The following PDZD2 variants were observed in gnomAD, a reference collection of about 807,000 sequenced individuals.
The protein encoded by PDZD2 is PDZ domain-containing protein 2.
In PDZD2, 90 loss-of-function variants were observed where a neutral mutation model predicts 220.7. The ratio of observed to expected loss-of-function variants is 0.41; its 90% CI spans 0.34 to 0.49. The LOEUF is 0.49. PDZD2 is among the 20% of genes least tolerant of loss of function. PDZD2 has a pLI of 0.28. For synonymous variants in PDZD2, 1,375 were observed against 1,450.5 expected, an observed-to-expected ratio of 0.95 and a Z score of 1.18; for missense variants, 3,174 against 3,608.5, an observed-to-expected ratio of 0.88 and a Z score of 3.08.
intron 1 of PDZD2, among the ~76,000 whole-genome samples, chr5:31,680,760 C>T (rs904799280): frequency 1.2e-4 from 18 of 152,122 alleles, no homozygotes; most frequent in African/African-American, 4.1e-4. Flanking sequence ...CCGGCTTGTC[C>T]TTGAAATCCC....
Position 32,092,997 on chromosome 5 carries a change from C to T in PDZD2, c.7818C>T (p.Leu2606=). The change falls in exon 21 of 25, where the codon CTC becomes CTT. Residue 2606 remains leucine (L), a synonymous_variant. Coordinates refer to ENST00000438447, the MANE Select transcript of PDZD2 (RefSeq NM_178140.4). ...GATCGAAATCTACCATCCTAACTCTCATTCAGGAAGCGAAAGCACAATCAG... is the reference window on the plus strand; with the variant it reads ...GATCGAAATCTACCATCCTAACTCTTATTCAGGAAGCGAAAGCACAATCAG... The part of the protein sequence containing the change: ...SVGSKSTILT[L]IQEAKAQSEN... 6.3e-7 allele frequency: 1 copy of T among 1,589,788 alleles called. No individual in the cohort carries two copies. Among genetic ancestry groups the T allele is most frequent in the Non-Finnish European group, 8.6e-7 (1 of 1,158,556 alleles).
intron 3 of PDZD2, among the ~76,000 whole-genome samples, chr5:31,991,367 ATC>A (rs1751195727): frequency 6.6e-6 from 1 of 152,192 alleles, no homozygotes; most frequent in African/African-American, 2.4e-5. Context: ...TGGATCTGGC[ATC>A]TATTTCGGAA....
At chr5:32,097,134 A>G (rs1040275991) in intron 21 of PDZD2, 145 bp from the exon 22 acceptor site, 2 of 625,812 alleles carry the variant, frequency 3.2e-6, no homozygotes, top group Non-Finnish European at 2.8e-6. Context: ...CTGAGAGCCA[A>G]AGAACCTTTA....
At position 31,950,961 on chromosome 5, in the gene PDZD2, C is replaced by T. The variant is rs564150041; in HGVS notation, c.477-32194C>T. Among the ~76,000 whole-genome samples, 60 of 152,294 alleles carry T rather than the reference C, an allele frequency of 3.9e-4. 1 individual carries two copies. The highest frequency in any genetic ancestry group is 6.2e-4 in the South Asian group (3 of 4,832). ...GCTGCAAAGTCCAAGATCAAGGCAC[C>T]GGCAGATTCAGTGTCTGGTGTGGGT... On this transcript the variant is annotated intron_variant, in intron 2 of 24. Coordinates refer to ENST00000438447, the MANE Select transcript of PDZD2 (RefSeq NM_178140.4).
At chr5:31,921,561 G>A (rs1744257870) in intron 2 of PDZD2, among the ~76,000 whole-genome samples, 1 of 152,072 alleles carries the variant, frequency 6.6e-6, no homozygotes, top group African/African-American at 2.4e-5. Context: ...GTGCTGGTCT[G>A]CCCCTGCGGT....
chr5:31,777,272 G>C (rs978225433), intron 1 of PDZD2, among the ~76,000 whole-genome samples: 1 of 152,192 alleles, frequency 6.6e-6, no homozygotes, highest in African/African-American at 2.4e-5. Flanking sequence ...GGGGGCGCCA[G>C]GTCCCCCAGC....
At chr5:31,847,861 C>A in intron 2 of PDZD2, 1 of 519,894 alleles carries the variant, frequency 1.9e-6, no homozygotes. Context: ...ATTGGAAGCA[C>A]ATCACGTGTC....
At chr5:31,787,250 C>T (rs1212055043) in intron 1 of PDZD2, among the ~76,000 whole-genome samples, 1 of 152,228 alleles carries the variant, frequency 6.6e-6, no homozygotes, top group Non-Finnish European at 1.5e-5. Flanking sequence ...TACAAATATG[C>T]ACATTGCCTC....
intron 9 of PDZD2, 54 bp from the exon 10 acceptor site, chr5:32,053,715 C>A: frequency 1.1e-6 from 1 of 949,776 alleles, no homozygotes; most frequent in Non-Finnish European, 1.7e-6. Flanking sequence ...GGGAAAGATG[C>A]CCTCAGTTAA....
intron 2 of PDZD2, among the ~76,000 whole-genome samples, chr5:31,802,266 G>T (rs1332474842): frequency 6.6e-6 from 1 of 152,124 alleles, no homozygotes; most frequent in Admixed American, 6.6e-5. Context: ...AATACTAGGG[G>T]TGAATCTGTG....
chr5:32,057,243 A>C (rs1160154703), intron 10 of PDZD2, among the ~76,000 whole-genome samples: 3 of 152,166 alleles, frequency 2.0e-5, no homozygotes, highest in Non-Finnish European at 4.4e-5. Flanking sequence ...GTCTTTCTAC[A>C]AATATAGGAG....
chr5:31,766,141 T>C (rs951339789), intron 1 of PDZD2, among the ~76,000 whole-genome samples: 6 of 152,250 alleles, frequency 3.9e-5, no homozygotes, highest in South Asian at 2.1e-4. Context: ...GATCAGGGTA[T>C]TGCACTCCAG....
At chr5:31,896,633 C>A (rs575999098) in intron 2 of PDZD2, among the ~76,000 whole-genome samples, 1 of 152,074 alleles carries the variant, frequency 6.6e-6, no homozygotes, top group Non-Finnish European at 1.5e-5. Flanking sequence ...GAGATACATA[C>A]GAATTTTTAA....
intron 2 of PDZD2, among the ~76,000 whole-genome samples, chr5:31,849,257 A>G (rs1335373603): frequency 6.6e-6 from 1 of 152,134 alleles, no homozygotes; most frequent in African/African-American, 2.4e-5. Flanking sequence ...CACCCTTTTG[A>G]GTCAGACCAA....
chr5:31,661,114 A>T (rs1285741802), intron 1 of PDZD2, among the ~76,000 whole-genome samples: 1 of 152,200 alleles, frequency 6.6e-6, no homozygotes, highest in Non-Finnish European at 1.5e-5. Flanking sequence ...GGAAAGAAAC[A>T]AATGAGAAAG....
intron 1 of PDZD2, among the ~76,000 whole-genome samples, chr5:31,730,253 A>C (rs1749445978): frequency 6.6e-6 from 1 of 152,170 alleles, no homozygotes; most frequent in East Asian, 1.9e-4. Context: ...TCTGTCTTGT[A>C]GGTAGGTTAG....
At position 31,735,969 on chromosome 5, in the gene PDZD2, A is replaced by C. The variant is rs139825091; in HGVS notation, c.-360-62920A>C. Among the ~76,000 whole-genome samples the C allele has an allele frequency of 8.5e-3, 1,297 of 152,038 alleles. 20 individuals are homozygous for C. The highest frequency in any genetic ancestry group is 0.029 in the African/African-American group (1,221 of 41,468). On this transcript the variant is annotated intron_variant, in intron 1 of 24. Transcript: ENST00000438447. ...TAAAAAACAAAACAAAACAAAAAAAACTCCAAATTATATAGAGCACAAAGG... is the reference window on the plus strand; with the variant it reads ...TAAAAAACAAAACAAAACAAAAAAACCTCCAAATTATATAGAGCACAAAGG...
Position 31,922,404 on chromosome 5 carries a change from A to AT in PDZD2, c.477-60743dup, listed in dbSNP as rs571830193. 2.8e-4 allele frequency among the ~76,000 whole-genome samples: 43 copies of AT among 152,050 alleles called. No individual in the cohort carries two copies. The East Asian group carries it at 3.7e-3, about 13-fold the overall frequency. On this transcript the variant is annotated intron_variant, in intron 2 of 24. Coordinates refer to ENST00000438447, the MANE Select transcript of PDZD2 (RefSeq NM_178140.4). ...TTGAATAAGAAAGACTTATATGTAT[A>AT]TTTTTTTTATCATAATGGAGACTTA...
intron 1 of PDZD2, among the ~76,000 whole-genome samples, chr5:31,719,747 T>G (rs1748675304): frequency 6.6e-6 from 1 of 152,232 alleles, no homozygotes; most frequent in Non-Finnish European, 1.5e-5. Context: ...CATCCATTTT[T>G]TTTTCATTTA....
Sources: allele counts gnomAD v4.1 joint callset (sites outside exome capture counted in the v4.1 genomes callset), GRCh38; gene constraint gnomAD v4.1.1; transcripts MANE v1.5; gene names NCBI Gene and HGNC (gene_info 2026-07-23, HGNC 2026-07-21).